The following ATG4C variants were observed in gnomAD, a reference collection of about 807,000 sequenced individuals.
ATG4C encodes the protein cysteine protease ATG4C.
Under a neutral mutation model 57.6 loss-of-function variants are expected in ATG4C, and 56 were observed. That is an observed-to-expected ratio of 0.97 (90% CI 0.78 to 1.21). The LOEUF is 1.21. Ranked by LOEUF, ATG4C falls within the 50% of genes most tolerant of loss-of-function variation. ATG4C has a pLI of 0.00. For synonymous variants in ATG4C, 157 were observed against 174.1 expected, an observed-to-expected ratio of 0.90 and a Z score of 0.78; for missense variants, 595 against 529.8, an observed-to-expected ratio of 1.12 and a Z score of -1.21.
rs573781222 is a variant in ATG4C at position 62,806,558 on chromosome 1, C to T, written c.160+1303C>T. On this transcript the variant is annotated intron_variant, in intron 3 of 10. Transcript: ENST00000317868. ...GGAAGAAATACTTTGAAAAATCAAG[C>T]GATGAAAAGTAAATGATAAAGAAGC... is the stretch of plus-strand genomic sequence containing the variant. Among the ~76,000 whole-genome samples, 13 of 151,076 alleles carry T rather than the reference C, an allele frequency of 8.6e-5. No homozygotes were observed. In the South Asian group the frequency reaches 1.5e-3, roughly 17 times the overall value.
At chr1:62,858,713 T>C (rs1292191794) in intron 10 of ATG4C, among the ~76,000 whole-genome samples, 1 of 152,180 alleles carries the variant, frequency 6.6e-6, no homozygotes, top group Non-Finnish European at 1.5e-5. Flanking sequence ...TTGATTGCAG[T>C]AGAAATAATA....
chr1:62,857,309 G>A (rs1666715263), intron 10 of ATG4C, among the ~76,000 whole-genome samples: 2 of 152,110 alleles, frequency 1.3e-5, no homozygotes, highest in African/African-American at 4.8e-5. Context: ...TCATAAGAGT[G>A]TGAACCCTAT....
At chr1:62,847,906 C>T (rs1043368577) in intron 10 of ATG4C, among the ~76,000 whole-genome samples, 4 of 152,314 alleles carry the variant, frequency 2.6e-5, no homozygotes, top group African/African-American at 9.6e-5. Flanking sequence ...AAAACAACCA[C>T]TCTTCCGTTC....
intron 3 of ATG4C, among the ~76,000 whole-genome samples, chr1:62,809,253 A>G (rs981750932): frequency 2.0e-5 from 3 of 151,956 alleles, no homozygotes; most frequent in African/African-American, 4.8e-5. Context: ...GAACTTGTAT[A>G]AACTGTAAAA....
chr1:62,785,547 A>G (rs552904990), intron 1 of ATG4C, among the ~76,000 whole-genome samples: 2 of 152,314 alleles, frequency 1.3e-5, no homozygotes, highest in East Asian at 3.9e-4. Flanking sequence ...AGATGTTTTG[A>G]TGGTTCTGGT....
Position 62,824,500 on chromosome 1 carries a change from G to A in ATG4C, c.796+3291G>A, listed in dbSNP as rs116280523. On this transcript the variant is annotated intron_variant, in intron 6 of 10. Transcript: ENST00000317868. ...AGAAGAGTTTCATTCAACTGACAAG[G>A]AGTATGGGTGTAAAGTATGTTTTGA... is the stretch of plus-strand genomic sequence containing the variant. Among the ~76,000 whole-genome samples, 117 of 152,182 alleles carry A rather than the reference G, an allele frequency of 7.7e-4. 1 individual carries two copies. Among genetic ancestry groups the A allele is most frequent in the South Asian group, 6.0e-3 (29 of 4,806 alleles).
chr1:62,812,405 T>G lies in ATG4C; in HGVS notation c.161-4170T>G, dbSNP rs548226079. On this transcript the variant is annotated intron_variant, in intron 3 of 10. Coordinates refer to ENST00000317868, the MANE Select transcript of ATG4C (RefSeq NM_032852.4). ...ATCTCAATAGATGCAGAAAAGGCCTTCGATAAAATTCAAAACTGCTTCATG... is the reference window on the plus strand; with the variant it reads ...ATCTCAATAGATGCAGAAAAGGCCTGCGATAAAATTCAAAACTGCTTCATG... Among the ~76,000 whole-genome samples, 12 of 152,298 alleles carry G rather than the reference T, an allele frequency of 7.9e-5. No individual in the cohort carries two copies. The South Asian group carries it at 2.5e-3, about 32-fold the overall frequency.
At chr1:62,826,318 C>T (rs1028837577) in intron 6 of ATG4C, among the ~76,000 whole-genome samples, 5 of 150,650 alleles carry the variant, frequency 3.3e-5, no homozygotes, top group African/African-American at 1.2e-4. Flanking sequence ...TCACTGCAAG[C>T]TCCACCTCTC....
intron 3 of ATG4C, among the ~76,000 whole-genome samples, chr1:62,808,713 G>A (rs1374642826): frequency 1.3e-5 from 2 of 152,110 alleles, no homozygotes; most frequent in Non-Finnish European, 2.9e-5. Context: ...TGAGTAGAGG[G>A]TGTAGGGTCT....
At chr1:62,816,909 G>T in intron 4 of ATG4C, 101 bp downstream of exon 4, 1 of 942,200 alleles carries the variant, frequency 1.1e-6, no homozygotes, top group South Asian at 2.0e-5. Context: ...AATTCCCTGA[G>T]GTTAATTTCT....
chr1:62,801,958 C>CAA lies in ATG4C; in HGVS notation c.-68-1735_-68-1734dup, dbSNP rs60298362. Among the ~76,000 whole-genome samples the CAA allele has an allele frequency of 1.0e-3, 54 of 51,876 alleles. 1 individual carries two copies. Among genetic ancestry groups the CAA allele is most frequent in the South Asian group, 2.3e-3 (2 of 860 alleles). The allele number at this position is 51,876 out of a possible 152,430, so 34.0% of individuals were successfully genotyped here. A position where few individuals can be genotyped will look rare whatever the true frequency, so the allele number is the denominator to read the frequency against. ...GGGGGACAGAGCAAGACTCTGTCTC[C>CAA]AAAAAAAAAAAAAAAAAAAAAAAAA... On this transcript the variant is annotated intron_variant, in intron 1 of 10. Coordinates refer to ENST00000317868, the MANE Select transcript of ATG4C (RefSeq NM_032852.4).
intron 10 of ATG4C, among the ~76,000 whole-genome samples, chr1:62,858,675 T>C (rs1458711589): frequency 6.6e-6 from 1 of 152,080 alleles, no homozygotes; most frequent in Non-Finnish European, 1.5e-5. Flanking sequence ...AGGGAAATGG[T>C]ATTTTAAGAA....
intron 9 of ATG4C, among the ~76,000 whole-genome samples, chr1:62,837,904 C>T (rs1035037704): frequency 3.9e-5 from 6 of 152,110 alleles, no homozygotes; most frequent in African/African-American, 1.4e-4. Context: ...GATCTCTCCA[C>T]CTTAGCCACT....
chr1:62,855,583 A>AAC (rs1666657256), intron 10 of ATG4C, among the ~76,000 whole-genome samples: 1 of 152,322 alleles, frequency 6.6e-6, no homozygotes, highest in Non-Finnish European at 1.5e-5. Context: ...CTAGCTGCAA[A>AAC]ACACAATTTA....
At chr1:62,849,802 C>T (rs1002867702) in intron 10 of ATG4C, among the ~76,000 whole-genome samples, 3 of 151,940 alleles carry the variant, frequency 2.0e-5, no homozygotes, top group Admixed American at 6.6e-5. Flanking sequence ...TGAGCCACTA[C>T]ACCTGGCTGT....
intron 3 of ATG4C, among the ~76,000 whole-genome samples, chr1:62,811,902 G>A (rs1387646824): frequency 6.6e-6 from 1 of 152,064 alleles, no homozygotes; most frequent in Non-Finnish European, 1.5e-5. Context: ...TTATAACAAT[G>A]ATGAGAAAAA....
At chr1:62,800,902 C>T (rs191244501) in intron 1 of ATG4C, among the ~76,000 whole-genome samples, 87 of 152,186 alleles carry the variant, frequency 5.7e-4, no homozygotes, top group Middle Eastern at 3.4e-3. Context: ...TTAGAGAGGG[C>T]AGTCAGGAAA....
At chr1:62,805,090 A>G in intron 2 of ATG4C, 82 bp from the exon 3 acceptor site, 2 of 1,432,366 alleles carry the variant, frequency 1.4e-6, no homozygotes, top group Non-Finnish European at 1.8e-6. Context: ...TTGAAATTAA[A>G]TAAAAGAAAA....
intron 10 of ATG4C, among the ~76,000 whole-genome samples, chr1:62,862,602 A>C (rs558915259): frequency 6.6e-6 from 1 of 152,212 alleles, no homozygotes; most frequent in South Asian, 2.1e-4. Context: ...TATATAAATA[A>C]AATAAATTTC....
Sources: gnomAD v4.1 joint callset for allele counts (sites outside exome capture counted in the v4.1 genomes callset) on GRCh38, gnomAD v4.1.1 for gene constraint, MANE v1.5 for transcripts, NCBI Gene and HGNC (gene_info 2026-07-23, HGNC 2026-07-21) for gene names.